Variants in NEAT1 observed in about 807,000 individuals in gnomAD.
NEAT1 encodes the protein MENepsilon/beta.
At chr11:65,444,788 G>A (rs1856751601) in exon 1 of NEAT1, 1 of 273,498 alleles carries the variant, frequency 3.7e-6, no homozygotes, top group Non-Finnish European at 7.3e-6. Flanking sequence ...GTGGGGCCCT[G>A]TGCTTCCGAC....
chr11:65,441,566 T>A (rs1856714969), exon 1 of NEAT1: 1 of 152,198 alleles, frequency 6.6e-6, no homozygotes, highest in African/African-American at 2.4e-5. Flanking sequence ...ATTACCTTTT[T>A]TATATGTATT....
exon 1 of NEAT1, chr11:65,428,801 CTT>C (rs1388750250): frequency 1.3e-5 from 2 of 151,856 alleles, no homozygotes; most frequent in Non-Finnish European, 2.9e-5. Context: ...CCTTTCCTCT[CTT>C]TTAAATAATT....
exon 1 of NEAT1, chr11:65,444,240 G>T (rs1016443421): frequency 5.1e-5 from 17 of 332,422 alleles, no homozygotes. Flanking sequence ...ACCTGGCTCG[G>T]AGCCCACCTG....
At chr11:65,424,457 C>T (rs1321083737) in exon 1 of NEAT1, 1 of 152,210 alleles carries the variant, frequency 6.6e-6, no homozygotes, top group Non-Finnish European at 1.5e-5. Context: ...GTAGATGGAG[C>T]TTGCAGATGG....
chr11:65,424,739 C>T (rs1264673708), exon 1 of NEAT1: 1 of 152,300 alleles, frequency 6.6e-6, no homozygotes, highest in African/African-American at 2.4e-5. Flanking sequence ...TTGCAGATTA[C>T]TAGGAGAAGG....
chr11:65,432,805 T>C (rs147396373), exon 1 of NEAT1: 1 of 151,800 alleles, frequency 6.6e-6, no homozygotes, highest in East Asian at 1.9e-4. Context: ...TAGTGTACAT[T>C]GTACCCAATA....
chr11:65,427,679 C>A (rs183896481), exon 1 of NEAT1: 1 of 152,192 alleles, frequency 6.6e-6, no homozygotes, highest in Admixed American at 6.6e-5. Context: ...CCTGGATGCC[C>A]CAGAAACAAT....
At chr11:65,424,642 T>C (rs576326652) in exon 1 of NEAT1, 1 of 152,352 alleles carries the variant, frequency 6.6e-6, no homozygotes, top group East Asian at 1.9e-4. Flanking sequence ...GTCATTGTGT[T>C]GTGCTAAACG....
exon 1 of NEAT1, chr11:65,438,194 G>C (rs1204654583): frequency 6.6e-6 from 1 of 152,122 alleles, no homozygotes; most frequent in Non-Finnish European, 1.5e-5. Context: ...CTGGACATAA[G>C]CCCCCTGGCA....
At chr11:65,441,892 G>A (rs547879470) in exon 1 of NEAT1, 1 of 152,362 alleles carries the variant, frequency 6.6e-6, no homozygotes, top group South Asian at 2.1e-4. Flanking sequence ...GGTGGAGGGT[G>A]GCTGCACAGT....
exon 1 of NEAT1, chr11:65,428,064 C>G (rs1856579427): frequency 6.6e-6 from 1 of 152,214 alleles, no homozygotes; most frequent in African/African-American, 2.4e-5. Context: ...ATCCTCAGAT[C>G]AGGTGAGATC....
In NEAT1 at chr11:65,444,301, G is replaced by A. The variant is rs868754173; in HGVS notation, n.21504G>A. The A allele has an allele frequency of 3.4e-5, 12 of 349,008 alleles. No individual in the cohort carries two copies. In the Middle Eastern group the frequency reaches 1.8e-3, roughly 53 times the overall value. 21.6% of individuals were successfully genotyped at this position (349,008 alleles called of 1,614,324 possible). A position where few individuals can be genotyped will look rare whatever the true frequency, so the allele number is the denominator to read the frequency against. ...TGTGTGTGTGTGTGTGTGTGTGTGTGTGTGTGTGTGTGTGTGTGTGTAAAA... is the reference window on the plus strand; with the variant it reads ...TGTGTGTGTGTGTGTGTGTGTGTGTATGTGTGTGTGTGTGTGTGTGTAAAA... On this transcript the variant is annotated non_coding_transcript_exon_variant, in exon 1 of 1. Coordinates refer to ENST00000501122, the Ensembl canonical transcript of NEAT1.
At chr11:65,437,223 A>ATATG (rs112442669) in exon 1 of NEAT1, 3 of 142,904 alleles carry the variant, frequency 2.1e-5, no homozygotes, top group Non-Finnish European at 4.5e-5. Context: ...ATATATATAT[A>ATATG]TATACATATA....
In NEAT1 at chr11:65,441,625, T is replaced by G. The variant is rs182817860; in HGVS notation, n.18828T>G. ...TTGATATCCTCCTTATGCATAGTTT[T>G]TCACTTTTTATTCCTAGTTTTTCGT... On this transcript the variant is annotated non_coding_transcript_exon_variant, in exon 1 of 1. Coordinates refer to ENST00000501122, the Ensembl canonical transcript of NEAT1. 443 of 152,332 alleles carry G rather than the reference T, an allele frequency of 2.9e-3. 7 individuals carry two copies. Among genetic ancestry groups the G allele is most frequent in the African/African-American group, 0.01 (436 of 41,582 alleles). 9.4% of individuals were successfully genotyped at this position (152,332 alleles called of 1,614,324 possible).
chr11:65,438,817 G>T (rs1238246792), exon 1 of NEAT1: 1 of 152,096 alleles, frequency 6.6e-6, no homozygotes, highest in Non-Finnish European at 1.5e-5. Flanking sequence ...ATTATTTCTG[G>T]TTTTTGGCTA....
exon 1 of NEAT1, chr11:65,443,043 T>A (rs1856729378): frequency 6.6e-6 from 1 of 152,244 alleles, no homozygotes; most frequent in African/African-American, 2.4e-5. Context: ...TATGATTATT[T>A]TTATAAATGT....
chr11:65,444,927 A>G (rs1856753020), exon 1 of NEAT1: 1 of 200,124 alleles, frequency 5.0e-6, no homozygotes, highest in Non-Finnish European at 1.0e-5. Context: ...GCAGACCCAG[A>G]GAACCATTTC....
exon 1 of NEAT1, chr11:65,440,165 T>C (rs1856700664): frequency 6.6e-6 from 1 of 152,124 alleles, no homozygotes. Flanking sequence ...TCTGCGTCTT[T>C]TGAGATGAGT....
At chr11:65,436,984 G>C (rs1395100114) in exon 1 of NEAT1, 1 of 151,852 alleles carries the variant, frequency 6.6e-6, no homozygotes, top group Non-Finnish European at 1.5e-5. Flanking sequence ...CCCAGGCTGT[G>C]CCCTTAAACT....
Sources: gnomAD v4.1 joint callset for allele counts on GRCh38, gnomAD v4.1.1 for gene constraint, MANE v1.5 for transcripts, NCBI Gene and HGNC (gene_info 2026-07-23, HGNC 2026-07-21) for gene names.